The following GAB1 variants were observed in gnomAD, a reference collection of about 807,000 sequenced individuals.
GAB1 encodes GRB2-associated-binding protein 1.
Under a neutral mutation model 66.5 loss-of-function variants are expected in GAB1, and 19 were observed. That is an observed-to-expected ratio of 0.29 (90% CI 0.20 to 0.42). The LOEUF (loss-of-function observed/expected upper bound fraction) is 0.42, where lower values mean the gene tolerates loss of function less well. Among genes scored for constraint, GAB1 ranks in the 10% least tolerant of loss-of-function variants. GAB1 has a pLI of 1.00. For missense variants in GAB1, 732 were observed against 858.5 expected (o/e 0.85, Z 1.84); for synonymous variants, 294 against 301.4 (o/e 0.98, Z 0.25).
intron 6 of GAB1, among the ~76,000 whole-genome samples, chr4:143,449,929 A>G (rs2149777205): frequency 6.6e-6 from 1 of 152,110 alleles, no homozygotes; most frequent in Admixed American, 6.6e-5. Context: ...GCACCTTAGG[A>G]GTAAAGCCTA....
At chr4:143,385,743 C>T (rs1316140895) in intron 1 of GAB1, among the ~76,000 whole-genome samples, 1 of 152,168 alleles carries the variant, frequency 6.6e-6, no homozygotes, top group East Asian at 1.9e-4. Context: ...CAGCAGACAC[C>T]CTGCTAGAGC....
intron 1 of GAB1, among the ~76,000 whole-genome samples, chr4:143,409,805 C>T (rs1435136079): frequency 1.3e-5 from 2 of 152,108 alleles, no homozygotes; most frequent in African/African-American, 4.8e-5. Context: ...TTGGCATGAG[C>T]AGAAGATATT....
chr4:143,383,884 G>A (rs1730766715), intron 1 of GAB1, among the ~76,000 whole-genome samples: 1 of 152,064 alleles, frequency 6.6e-6, no homozygotes, highest in South Asian at 2.1e-4. Context: ...AGACCAGCTT[G>A]GTCAACCTAG....
chr4:143,356,885 A>G (rs926993338), intron 1 of GAB1, among the ~76,000 whole-genome samples: 1 of 152,176 alleles, frequency 6.6e-6, no homozygotes, highest in African/African-American at 2.4e-5. Flanking sequence ...AGATGATGCT[A>G]TTTAGAATAC....
intron 1 of GAB1, among the ~76,000 whole-genome samples, chr4:143,405,577 GA>G (rs2149705505): frequency 6.6e-6 from 1 of 152,246 alleles, no homozygotes; most frequent in South Asian, 2.1e-4. Flanking sequence ...AATGAATTAA[GA>G]CATTCATTCA....
At chr4:143,414,476 C>T (rs1456250836) in intron 1 of GAB1, among the ~76,000 whole-genome samples, 1 of 151,962 alleles carries the variant, frequency 6.6e-6, no homozygotes, top group African/African-American at 2.4e-5. Context: ...TACAGATTGC[C>T]CATGTATGTT....
In GAB1 at chr4:143,425,403, T is replaced by C. The variant is rs980679486; in HGVS notation, c.368-8088T>C. The C allele has an allele frequency of 4.0e-6, 3 of 759,210 alleles. No homozygotes were observed. The African/African-American group carries it at 5.1e-5, about 13-fold the overall frequency. The allele number at this position is 759,210 out of a possible 1,614,324, so 47.0% of individuals were successfully genotyped here. On this transcript the variant is annotated intron_variant, in intron 2 of 9. Transcript: ENST00000262994. ...CAGACAGCCTTCTGGGAGCCATGGCTTCTTGTGGTTACTGACCCCAGGGCT... is the reference window on the plus strand; with the variant it reads ...CAGACAGCCTTCTGGGAGCCATGGCCTCTTGTGGTTACTGACCCCAGGGCT...
intron 7 of GAB1, 137 bp downstream of exon 7, chr4:143,459,615 G>C: frequency 6.1e-6 from 4 of 659,848 alleles, no homozygotes; most frequent in Non-Finnish European, 1.1e-5. Context: ...GTTCTGTGAA[G>C]TCAAAACCAT....
chr4:143,442,251 G>A (rs755940969), intron 6 of GAB1, among the ~76,000 whole-genome samples: 1 of 152,066 alleles, frequency 6.6e-6, no homozygotes, highest in Admixed American at 6.5e-5. Flanking sequence ...TTCCAGTAAC[G>A]AGTGCATGTT....
intron 8 of GAB1, among the ~76,000 whole-genome samples, chr4:143,464,649 C>A (rs946104870): frequency 2.0e-5 from 3 of 152,162 alleles, no homozygotes; most frequent in African/African-American, 7.2e-5. Context: ...AATAAACATA[C>A]TGCATACCTG....
At chr4:143,447,720 A>G (rs1417285440) in intron 6 of GAB1, among the ~76,000 whole-genome samples, 1 of 152,220 alleles carries the variant, frequency 6.6e-6, no homozygotes, top group Non-Finnish European at 1.5e-5. Flanking sequence ...ATATACAATC[A>G]TGTCATCTGC....
chr4:143,378,631 C>T (rs1279101851), intron 1 of GAB1, among the ~76,000 whole-genome samples: 2 of 30,152 alleles, frequency 6.6e-5, no homozygotes, highest in Admixed American at 3.8e-4. Context: ...TCCAAAGTGT[C>T]TCTCTCTCTC....
intron 1 of GAB1, among the ~76,000 whole-genome samples, chr4:143,379,259 C>T (rs1291807508): frequency 6.6e-6 from 1 of 152,102 alleles, no homozygotes; most frequent in Non-Finnish European, 1.5e-5. Context: ...ACAGGCAGAG[C>T]AATAACATTT....
intron 1 of GAB1, among the ~76,000 whole-genome samples, chr4:143,342,724 A>AT (rs35586193): frequency 4.1e-5 from 6 of 147,194 alleles, no homozygotes; most frequent in East Asian, 2.0e-4. Flanking sequence ...CGCCCGGCAA[A>AT]TTTTTTTTTT....
chr4:143,406,552 C>T (rs1023806673), intron 1 of GAB1, among the ~76,000 whole-genome samples: 10 of 152,198 alleles, frequency 6.6e-5, no homozygotes, highest in Non-Finnish European at 1.5e-4. Flanking sequence ...AGAAGTAGGC[C>T]AAAAGCCAGT....
chr4:143,358,599 T>G (rs1729538976), intron 1 of GAB1, among the ~76,000 whole-genome samples: 1 of 152,208 alleles, frequency 6.6e-6, no homozygotes, highest in Non-Finnish European at 1.5e-5. Flanking sequence ...ATTCAAGTCC[T>G]AAAACAACGT....
chr4:143,397,472 G>A (rs1731509028), intron 1 of GAB1, among the ~76,000 whole-genome samples: 1 of 152,100 alleles, frequency 6.6e-6, no homozygotes, highest in Non-Finnish European at 1.5e-5. Flanking sequence ...AACAGCTGCT[G>A]CTTCGTTGTT....
intron 1 of GAB1, among the ~76,000 whole-genome samples, chr4:143,357,152 G>C (rs1282044118): frequency 6.6e-6 from 1 of 152,142 alleles, no homozygotes; most frequent in Non-Finnish European, 1.5e-5. Context: ...AACTTAATGT[G>C]TGAATACCAG....
chr4:143,394,016 G>A (rs1346924250), intron 1 of GAB1, among the ~76,000 whole-genome samples: 3 of 152,194 alleles, frequency 2.0e-5, no homozygotes, highest in African/African-American at 7.2e-5. Context: ...GCTCACACCT[G>A]TAATCCCAGC....
Sources: gnomAD v4.1 joint callset for allele counts (sites outside exome capture counted in the v4.1 genomes callset) on GRCh38, gnomAD v4.1.1 for gene constraint, MANE v1.5 for transcripts, NCBI Gene and HGNC (gene_info 2026-07-23, HGNC 2026-07-21) for gene names.